Variants in AKAP9 observed in about 807,000 individuals in gnomAD.
AKAP9 encodes A-kinase anchor protein 9.
AKAP9 carries 311 observed loss-of-function variants against 488.5 expected under a neutral mutation model. That is an observed-to-expected ratio of 0.64 (90% CI 0.58 to 0.70). The LOEUF is 0.70. Ranked by LOEUF, AKAP9 falls within the 30% of genes least tolerant of loss-of-function variation. The pLI, the probability that AKAP9 is intolerant of heterozygous loss-of-function variation, is 0.00. For missense variants in AKAP9, 4,215 were observed against 4,374.5 expected (o/e 0.96, Z 1.03); for synonymous variants, 1,462 against 1,483.5 (o/e 0.99, Z 0.33).
intron 2 of AKAP9, among the ~76,000 whole-genome samples, chr7:91,974,488 C>T (rs1397728544): frequency 6.6e-6 from 1 of 152,154 alleles, no homozygotes; most frequent in Non-Finnish European, 1.5e-5. Flanking sequence ...TGCTACTATG[C>T]CCCCAAGTCT....
At position 92,022,579 on chromosome 7, in the gene AKAP9, A is replaced by G. The variant is rs572345587; in HGVS notation, c.3952+227A>G. Among the ~76,000 whole-genome samples, 6 of 152,308 alleles carry G rather than the reference A, an allele frequency of 3.9e-5. No individual in the cohort carries two copies. In the South Asian group the frequency reaches 6.2e-4, roughly 16 times the overall value. ...CTGAATTGTTTTAAATTTTAAAGAT[A>G]TAAAATTTTGGATTTAGGAGTACTA... On this transcript the variant is annotated intron_variant, in intron 13 of 49. Transcript: ENST00000356239.
At chr7:92,039,966 C>A (rs1336886559) in intron 17 of AKAP9, among the ~76,000 whole-genome samples, 1 of 152,106 alleles carries the variant, frequency 6.6e-6, no homozygotes, top group Non-Finnish European at 1.5e-5. Context: ...CACCAAGACT[C>A]CCTCTCAAAA....
At chr7:92,087,778 A>G (rs2130880356) in intron 37 of AKAP9, among the ~76,000 whole-genome samples, 1 of 152,116 alleles carries the variant, frequency 6.6e-6, no homozygotes. Context: ...AGGAGCTCCA[A>G]TTGACCAAAT....
intron 15 of AKAP9, among the ~76,000 whole-genome samples, chr7:92,030,355 T>TCA (rs1328085018): frequency 6.6e-6 from 1 of 152,072 alleles, no homozygotes; most frequent in Non-Finnish European, 1.5e-5. Flanking sequence ...TAGAAAAGTG[T>TCA]TTAGGGGCCA....
In AKAP9 at chr7:92,001,150, C is replaced by T. The variant is rs1401526909; in HGVS notation, c.1233C>T (p.Asp411=). Residue 411 remains aspartate, a synonymous_variant, in exon 8 of 50, where the codon GAC becomes GAT. Transcript: ENST00000356239. The stretch of plus-strand genomic sequence containing the variant: ...AACTTCAGAAGAGAAATCATAAAGA[C>T]AGCCAGTTCGAAACTGATATAGTAC... ...VEELQKRNHK[D]SQFETDIVQR... is the part of the protein sequence containing the mutation. 6.2e-7 allele frequency: 1 copy of T among 1,613,976 alleles called. No homozygotes were observed. The highest frequency in any genetic ancestry group is 8.5e-7 in the Non-Finnish European group (1 of 1,179,940).
chr7:92,073,342 A>G (rs1812040144), intron 28 of AKAP9, among the ~76,000 whole-genome samples: 1 of 146,472 alleles, frequency 6.8e-6, no homozygotes, highest in African/African-American at 2.5e-5. Flanking sequence ...TAAAAATACA[A>G]AAAAAAAAAA....
intron 12 of AKAP9, among the ~76,000 whole-genome samples, chr7:92,019,430 A>G (rs13221998): frequency 0.42 from 62,908 of 151,566 alleles, 13,524 homozygotes; most frequent in African/African-American, 0.51. Context: ...ATGAGCCACC[A>G]CACCCGACCT....
At chr7:91,992,137 C>G (rs1562945410) in intron 3 of AKAP9, 21 bp from the exon 4 acceptor site, 3 of 1,578,294 alleles carry the variant, frequency 1.9e-6, no homozygotes, top group Non-Finnish European at 2.6e-6. Context: ...CATAATATAT[C>G]AGGAAATTGT....
At position 92,052,938 on chromosome 7, in the gene AKAP9, A is replaced by G. The variant is rs778877483; in HGVS notation, c.5581A>G (p.Ile1861Val). 4.3e-6 allele frequency: 7 copies of G among 1,613,500 alleles called. No individual in the cohort carries two copies. The Admixed American group carries it at 5.0e-5, about 12-fold the overall frequency. ...AGCAGTTGAAAAACTCCTAGAAGCC[A>G]TAAGTGAAACTAGCAGTCAGGTAAC... ...QAAVEKLLEA[I>V]SETSSQLEHA... Residue 1861 changes from isoleucine to valine, a missense_variant, in exon 22 of 50, where the codon ATA becomes GTA. Ile to Val is a conservative substitution (Grantham distance 29). Transcript: ENST00000356239.
intron 1 of AKAP9, among the ~76,000 whole-genome samples, chr7:91,955,088 T>C (rs571705406): frequency 1.1e-3 from 170 of 152,326 alleles, no homozygotes; most frequent in African/African-American, 3.7e-3. Context: ...CCTCGTGTTA[T>C]CTTTCTGGAC....
At chr7:92,083,693 G>A (rs1814008117) in intron 33 of AKAP9, 38 bp downstream of exon 33, 1 of 1,573,798 alleles carries the variant, frequency 6.4e-7, no homozygotes. Context: ...TCAACATTGT[G>A]TGGTTTTTTA....
At position 92,044,943 on chromosome 7, in the gene AKAP9, A is replaced by G. The variant is rs527685963; in HGVS notation, c.5163-65A>G. 4.0e-5 allele frequency: 52 copies of G among 1,290,068 alleles called. No homozygotes were observed. The African/African-American group carries it at 6.6e-4, about 16-fold the overall frequency. The allele number at this position is 1,290,068 out of a possible 1,614,324, so 79.9% of individuals were successfully genotyped here. A position where few individuals can be genotyped will look rare whatever the true frequency, so the allele number is the denominator to read the frequency against. On this transcript the variant is annotated intron_variant, in intron 20 of 49. Transcript: ENST00000356239. ...TATTTTGCAGTGTACTTTTTAGTGGACATAAGCAAAGTGTTTGCTTCAAAA... is the reference window on the plus strand; with the variant it reads ...TATTTTGCAGTGTACTTTTTAGTGGGCATAAGCAAAGTGTTTGCTTCAAAA...
At chr7:92,003,822 T>C (rs1275612968) in intron 8 of AKAP9, among the ~76,000 whole-genome samples, 1 of 152,158 alleles carries the variant, frequency 6.6e-6, no homozygotes, top group Non-Finnish European at 1.5e-5. Flanking sequence ...ATGTATATAA[T>C]AATAGATCAC....
At chr7:92,055,240 A>G (rs1808577279) in intron 22 of AKAP9, among the ~76,000 whole-genome samples, 1 of 152,142 alleles carries the variant, frequency 6.6e-6, no homozygotes, top group South Asian at 2.1e-4. Flanking sequence ...AAAAAAAGGA[A>G]TCTGAGGATG....
At chr7:92,044,825 A>G (rs1161313535) in intron 20 of AKAP9, among the ~76,000 whole-genome samples, 183 bp from the exon 21 acceptor site, 1 of 152,138 alleles carries the variant, frequency 6.6e-6, no homozygotes, top group East Asian at 1.9e-4. Flanking sequence ...ATCATTTTAT[A>G]ATATAGTTAC....
At position 91,940,992 on chromosome 7, in the gene AKAP9, T is replaced by C. The variant is rs1790673749; in HGVS notation, c.-108T>C. 8.5e-7 allele frequency: 1 copy of C among 1,180,810 alleles called. No homozygotes were observed. Among genetic ancestry groups the C allele is most frequent in the Non-Finnish European group, 1.3e-6 (1 of 786,402 alleles). The allele number at this position is 1,180,810 out of a possible 1,614,324, so 73.1% of individuals were successfully genotyped here. A position where few individuals can be genotyped will look rare whatever the true frequency, so the allele number is the denominator to read the frequency against. On this transcript the variant is annotated 5_prime_UTR_variant, in exon 1 of 50. Coordinates refer to ENST00000356239, the MANE Select transcript of AKAP9 (RefSeq NM_005751.5). ...CGGGGGAGCGCCGGACCGAATCGGC[T>C]CTCTAGGCCGTGGAGCTTGCCGTCC... is the stretch of plus-strand genomic sequence containing the variant.
chr7:92,042,201 G>A lies in AKAP9; in HGVS notation c.5058+15G>A, dbSNP rs956010011. 2 of 1,613,384 alleles carry A rather than the reference G, an allele frequency of 1.2e-6. No homozygotes were observed. The highest frequency in any genetic ancestry group is 3.3e-5 in the Admixed American group (2 of 59,982). On this transcript the variant is annotated intron_variant, in intron 19 of 49. Coordinates refer to ENST00000356239, the MANE Select transcript of AKAP9 (RefSeq NM_005751.5). The stretch of plus-strand genomic sequence containing the variant: ...CGCAAACACAGGTAGTATGGACTTT[G>A]CCCCACCTAGGAGCAATGGATCACC...
intron 32 of AKAP9, 47 bp downstream of exon 32, chr7:92,082,709 T>A: frequency 6.3e-7 from 1 of 1,595,686 alleles, no homozygotes; most frequent in Non-Finnish European, 8.6e-7. Context: ...CTACCTATCT[T>A]AATTACGTTT....
At chr7:92,011,010 A>T (rs947129777) in intron 8 of AKAP9, among the ~76,000 whole-genome samples, 4 of 151,976 alleles carry the variant, frequency 2.6e-5, no homozygotes, top group Non-Finnish European at 4.4e-5. Flanking sequence ...ATAACTCATA[A>T]TTTTTTTTCA....
Sources: gnomAD v4.1 joint callset for allele counts (sites outside exome capture counted in the v4.1 genomes callset) on GRCh38, gnomAD v4.1.1 for gene constraint, MANE v1.5 for transcripts, NCBI Gene and HGNC (gene_info 2026-07-23, HGNC 2026-07-21) for gene names.